RALGPS1: variants seen among roughly 807,000 people sequenced by gnomAD.
The protein encoded by RALGPS1 is ras-specific guanine nucleotide-releasing factor RalGPS1.
A neutral mutation model predicts 78.8 loss-of-function variants in RALGPS1; 19 were observed. That is an observed-to-expected ratio of 0.24 (90% confidence interval 0.17 to 0.35). The LOEUF (loss-of-function observed/expected upper bound fraction) is 0.35. RALGPS1 is among the 10% of genes least tolerant of loss of function. The pLI, the probability that RALGPS1 is intolerant of heterozygous loss-of-function variation, is 1.00. For synonymous variants in RALGPS1, 228 were observed against 256.3 expected (o/e 0.89, Z 1.06); for missense variants, 454 against 688.3 (o/e 0.66, Z 3.81).
intron 8 of RALGPS1, chr9:127,108,381 C>CA (rs1378499267): frequency 6.2e-7 from 1 of 1,609,674 alleles, no homozygotes; most frequent in Non-Finnish European, 8.5e-7. Context: ...TCACCTCGCT[C>CA]ACAATGCCGC....
chr9:127,049,122 G>T (rs10987552), intron 5 of RALGPS1, among the ~76,000 whole-genome samples: 54,356 of 151,974 alleles, frequency 0.36, 11,898 homozygotes, highest in Non-Finnish European at 0.48. Flanking sequence ...TTCTCCCTAT[G>T]CCCCGTGCTT....
intron 11 of RALGPS1, among the ~76,000 whole-genome samples, chr9:127,186,678 A>T (rs2060669658): frequency 6.6e-6 from 1 of 152,246 alleles, no homozygotes; most frequent in South Asian, 2.1e-4. Context: ...TTGGTCAACA[A>T]TGCAGAAGAG....
Position 127,091,793 on chromosome 9 carries a change from C to T in RALGPS1, c.610+22437C>T. ...AGCTTATAATACTCGCTCTCAGGTT[C>T]CAGGCGGAAACTGGCGTATTCTGCA... On this transcript the variant is annotated intron_variant, in intron 8 of 18. Coordinates refer to ENST00000259351, the MANE Select transcript of RALGPS1 (RefSeq NM_014636.3). The surrounding 1 kb of genome is among the most constrained non-coding windows in gnomAD (Gnocchi z 4.3). 2 of 1,614,170 alleles carry T rather than the reference C, an allele frequency of 1.2e-6. 1 individual carries two copies. Among genetic ancestry groups the T allele is most frequent in the South Asian group, 2.2e-5 (2 of 91,076 alleles).
intron 1 of RALGPS1, among the ~76,000 whole-genome samples, chr9:126,947,767 C>T (rs1217011244): frequency 1.3e-5 from 2 of 152,186 alleles, no homozygotes; most frequent in Non-Finnish European, 2.9e-5. Flanking sequence ...TGGGGTTGAG[C>T]TACAGGTGAC....
chr9:127,042,312 C>T (rs2047387223), intron 5 of RALGPS1, among the ~76,000 whole-genome samples: 1 of 152,110 alleles, frequency 6.6e-6, no homozygotes, highest in African/African-American at 2.4e-5. Context: ...AGTTTATTAG[C>T]ACCATGACCC....
At chr9:126,924,661 GGAT>G (rs1442035355) in intron 1 of RALGPS1, among the ~76,000 whole-genome samples, 1 of 152,178 alleles carries the variant, frequency 6.6e-6, no homozygotes, top group Non-Finnish European at 1.5e-5. Context: ...AAAGAGAGCT[GGAT>G]GATGATAAAG....
In RALGPS1 at chr9:127,212,796, G is replaced by C; in HGVS notation, c.1446+77G>C. ...GACCTCTGTGAACTGTGGAGGATGG[G>C]GGTGGGAAAGGGATCTGTGTGAACT... On this transcript the variant is annotated intron_variant, in intron 16 of 18. Transcript: ENST00000259351. This position sits in a 1 kb window ranked among gnomAD's most constrained non-coding sequence, Gnocchi z 6.0. 1 of 1,519,782 alleles carries C rather than the reference G, an allele frequency of 6.6e-7. No individual in the cohort carries two copies. Among genetic ancestry groups the C allele is most frequent in the Non-Finnish European group, 9.0e-7 (1 of 1,107,614 alleles). The allele number at this position is 1,519,782 out of a possible 1,614,324, so 94.1% of individuals were successfully genotyped here.
intron 17 of RALGPS1, chr9:127,214,135 C>T (rs1362019961): frequency 6.6e-6 from 1 of 152,076 alleles, no homozygotes; most frequent in Non-Finnish European, 1.5e-5. Flanking sequence ...GGAAATGTGA[C>T]ACAAGGGGTG....
In RALGPS1 at chr9:127,218,816, G is replaced by C; in HGVS notation, c.*47G>C. On this transcript the variant is annotated 3_prime_UTR_variant, in exon 19 of 19. Transcript: ENST00000259351. This position sits in a 1 kb window ranked among gnomAD's most constrained non-coding sequence, Gnocchi z 4.4. ...ACTTCAGAGGCTTCTGGGAACCCAG[G>C]CTGGGCCTGGTGGTGAAGAGCAGTC... is the stretch of plus-strand genomic sequence containing the variant. 6.3e-7 allele frequency: 1 copy of C among 1,597,684 alleles called. No homozygotes were observed. The highest frequency in any genetic ancestry group is 8.6e-7 in the Non-Finnish European group (1 of 1,165,010).
rs560590471 is a variant in RALGPS1 at position 127,055,095 on chromosome 9, G to A, written c.483+2156G>A. 9.9e-5 allele frequency among the ~76,000 whole-genome samples: 15 copies of A among 152,048 alleles called. No individual in the cohort carries two copies. In the East Asian group the frequency reaches 2.9e-3, roughly 29 times the overall value. On this transcript the variant is annotated intron_variant, in intron 7 of 18. Transcript: ENST00000259351. The stretch of plus-strand genomic sequence containing the variant: ...ATTTGCACCCAGGACCCATTCAAAG[G>A]TGTGGGCATATTCACCTAGCTCCCT...
chr9:126,989,079 C>T (rs1193540503), intron 4 of RALGPS1, among the ~76,000 whole-genome samples: 1 of 152,020 alleles, frequency 6.6e-6, no homozygotes, highest in African/African-American at 2.4e-5. Flanking sequence ...TCATCATCAT[C>T]ATCAGCATCA....
rs527308353 is a variant in RALGPS1, at chr9:127,217,160, C to A, written c.1645-1580C>A. The A allele has an allele frequency of 1.0e-4, 130 of 1,258,992 alleles. No individual in the cohort carries two copies. The East Asian group carries it at 4.0e-3, about 39-fold the overall frequency. The allele number at this position is 1,258,992 out of a possible 1,614,324, so 78.0% of individuals were successfully genotyped here. A position where few individuals can be genotyped will look rare whatever the true frequency, so the allele number is the denominator to read the frequency against. ...CAGCAGAGCACTAATGGGTCAGTTT[C>A]ATGTATTGGCAGATGTGGTGTAGCA... On this transcript the variant is annotated intron_variant, in intron 18 of 18. Coordinates refer to ENST00000259351, the MANE Select transcript of RALGPS1 (RefSeq NM_014636.3).
intron 1 of RALGPS1, among the ~76,000 whole-genome samples, chr9:126,936,060 C>T (rs1376621848): frequency 6.6e-6 from 1 of 152,240 alleles, no homozygotes; most frequent in Non-Finnish European, 1.5e-5. Flanking sequence ...TGTTTCCATT[C>T]CTCTTAGGAA....
At chr9:127,127,087 G>T (rs1320069977) in intron 8 of RALGPS1, among the ~76,000 whole-genome samples, 1 of 152,172 alleles carries the variant, frequency 6.6e-6, no homozygotes, top group Non-Finnish European at 1.5e-5. Context: ...GATTTGAAGG[G>T]AATTGGTGTA....
Position 126,965,774 on chromosome 9 carries a change from AG to A in RALGPS1, c.58-68del, listed in dbSNP as rs2039427823. 3.4e-6 allele frequency: 4 copies of A among 1,184,746 alleles called. No individual in the cohort carries two copies. The South Asian group carries it at 5.0e-5, about 15-fold the overall frequency. The allele number at this position is 1,184,746 out of a possible 1,614,324, so 73.4% of individuals were successfully genotyped here. ...CATTGCTCTCCCATCCTGAATTCCGAGGAGGTTTGGGAGGCAATGATTCCAC... is the reference window on the plus strand; with the variant it reads ...CATTGCTCTCCCATCCTGAATTCCGAGAGGTTTGGGAGGCAATGATTCCAC... On this transcript the variant is annotated intron_variant, in intron 2 of 18. Coordinates refer to ENST00000259351, the MANE Select transcript of RALGPS1 (RefSeq NM_014636.3).
rs2033950711 is a variant in RALGPS1 at position 126,914,993 on chromosome 9, C to T, written c.-66+18C>T. On this transcript the variant is annotated intron_variant, in intron 1 of 18. Transcript: ENST00000259351. ...GCGTCAAGGTGACCGGCCGGGACTG[C>T]GGCGGCGGGGAGAGCGGCGGTGAGA... 2 of 149,756 alleles carry T rather than the reference C, an allele frequency of 1.3e-5. No individual in the cohort carries two copies. Among genetic ancestry groups the T allele is most frequent in the Non-Finnish European group, 3.0e-5 (2 of 67,162 alleles). The allele number at this position is 149,756 out of a possible 1,614,324, so 9.3% of individuals were successfully genotyped here. A position where few individuals can be genotyped will look rare whatever the true frequency, so the allele number is the denominator to read the frequency against.
chr9:127,184,204 A>G, intron 11 of RALGPS1: 1 of 687,560 alleles, frequency 1.5e-6, no homozygotes, highest in Non-Finnish European at 2.4e-6. Flanking sequence ...GCGTGCCTAC[A>G]GCCCCAGCTC....
intron 1 of RALGPS1, among the ~76,000 whole-genome samples, chr9:126,944,904 T>C: frequency 6.6e-6 from 1 of 152,204 alleles, no homozygotes; most frequent in Non-Finnish European, 1.5e-5. Flanking sequence ...AGGTATCAGC[T>C]GAGCCTTGGT....
Position 127,107,839 on chromosome 9 carries a change from AT to A in RALGPS1, c.610+38486del, listed in dbSNP as rs987455162. 6.3e-6 allele frequency: 9 copies of A among 1,434,796 alleles called. No individual in the cohort carries two copies. In the African/African-American group the frequency reaches 1.3e-4, roughly 21 times the overall value. The allele number at this position is 1,434,796 out of a possible 1,614,324, so 88.9% of individuals were successfully genotyped here. On this transcript the variant is annotated intron_variant, in intron 8 of 18. Coordinates refer to ENST00000259351, the MANE Select transcript of RALGPS1 (RefSeq NM_014636.3). ...CTTCAACTGGCCATGGCTTTTCCCC[AT>A]TTGTGGACACAGCCAAGGGAAGCCT... is the stretch of plus-strand genomic sequence containing the variant.
Sources: gnomAD v4.1 joint callset for allele counts (sites outside exome capture counted in the v4.1 genomes callset) on GRCh38, gnomAD v4.1.1 for gene constraint, Gnocchi (gnomAD v3.1) non-coding constraint, MANE v1.5 for transcripts, NCBI Gene and HGNC (gene_info 2026-07-23, HGNC 2026-07-21) for gene names.